The following ATXN2L variants were observed in gnomAD, a reference collection of about 807,000 sequenced individuals.
ATXN2L encodes the protein ataxin-2-like protein.
Under a neutral mutation model 120.7 loss-of-function variants are expected in ATXN2L, and 24 were observed. The observed-to-expected ratio is 0.20, with a 90% CI of 0.14 to 0.28. The LOEUF (loss-of-function observed/expected upper bound fraction) is 0.28, where lower values mean the gene tolerates loss of function less well. ATXN2L is among the 10% of genes least tolerant of loss of function. The probability of loss-of-function intolerance (pLI) is 1.00; values close to 1 mark genes in which losing one functional copy is unlikely to be tolerated. For synonymous variants in ATXN2L, 653 were observed against 568.1 expected (o/e 1.15, Z -2.13); for missense variants, 1,312 against 1,432.3 (o/e 0.92, Z 1.36).
intron 1 of ATXN2L, chr16:28,824,474 C>T: frequency 7.8e-7 from 1 of 1,288,116 alleles, no homozygotes; most frequent in Non-Finnish European, 1.0e-6. Context: ...GCCCCCTCTT[C>T]GCCCTCAACC....
In ATXN2L at chr16:28,837,209, A is replaced by T. The variant is rs1042378251; in HGVS notation, c.*944A>T. 7.8e-5 allele frequency: 13 copies of T among 167,634 alleles called. No individual in the cohort carries two copies. The highest frequency in any genetic ancestry group is 1.7e-4 in the East Asian group (1 of 5,758). The allele number at this position is 167,634 out of a possible 1,614,324, so 10.4% of individuals were successfully genotyped here. On this transcript the variant is annotated 3_prime_UTR_variant, in exon 22 of 22. Transcript: ENST00000336783. ...TACATAAAAATATTAAAAAATAAATAAAAAAAATAAAATTTTAAACTAACT... is the reference window on the plus strand; with the variant it reads ...TACATAAAAATATTAAAAAATAAATTAAAAAAATAAAATTTTAAACTAACT...
chr16:28,834,662 T>C lies in ATXN2L; in HGVS notation c.2402T>C (p.Met801Thr), dbSNP rs1959296735. ...NPQQFPGQPA[M>T]MQPMAHYPSQ... ...CAGCAGTTCCCAGGCCAGCCAGCCA[T>C]GATGCAGCCCATGGCCCACTACCCC... Residue 801 changes from methionine (M) to threonine (T), a missense_variant, in exon 18 of 22, where the codon ATG becomes ACG. Met to Thr is a moderately conservative substitution (Grantham distance 81). Coordinates refer to ENST00000336783, the MANE Select transcript of ATXN2L (RefSeq NM_007245.4). 1 of 1,613,772 alleles carries C rather than the reference T, an allele frequency of 6.2e-7. No individual in the cohort carries two copies. The highest frequency in any genetic ancestry group is 8.5e-7 in the Non-Finnish European group (1 of 1,179,950).
chr16:28,833,420 A>AAT lies in ATXN2L; in HGVS notation c.1956-19_1956-18insAT, dbSNP rs1164204271. On this transcript the variant is annotated intron_variant, in intron 14 of 21. Coordinates refer to ENST00000336783, the MANE Select transcript of ATXN2L (RefSeq NM_007245.4). ...GGATGAGAGCAAGCCGTGAAGATTTACTGTACTTTCTCTCACAGACAAGTA... is the reference window on the plus strand; with the variant it reads ...GGATGAGAGCAAGCCGTGAAGATTTAATCTGTACTTTCTCTCACAGACAAGTA... 1.2e-6 allele frequency: 2 copies of AAT among 1,614,104 alleles called. No homozygotes were observed. Among genetic ancestry groups the AAT allele is most frequent in the African/African-American group, 2.7e-5 (2 of 75,028 alleles).
intron 18 of ATXN2L, 175 bp from the exon 19 acceptor site, chr16:28,834,883 A>T: frequency 8.8e-7 from 1 of 1,139,778 alleles, no homozygotes; most frequent in Non-Finnish European, 1.2e-6. Context: ...GGCATTGGAC[A>T]TCTGTATCTC....
intron 6 of ATXN2L, among the ~76,000 whole-genome samples, chr16:28,828,236 T>TA (rs2052963839): frequency 6.6e-6 from 1 of 152,196 alleles, no homozygotes; most frequent in African/African-American, 2.4e-5. Flanking sequence ...TGTTAGGTCT[T>TA]ATGACTTTTC....
intron 15 of ATXN2L, among the ~76,000 whole-genome samples, 180 bp downstream of exon 15, chr16:28,833,688 C>T (rs915853480): frequency 7.0e-6 from 1 of 142,174 alleles, no homozygotes; most frequent in African/African-American, 2.5e-5. Context: ...AAAATGGACT[C>T]AGGTCTCTAG....
At position 28,833,448 on chromosome 16, in the gene ATXN2L, G is replaced by A; in HGVS notation, c.1965G>A (p.Lys655=). 6.2e-7 allele frequency: 1 copy of A among 1,614,216 alleles called. No individual in the cohort carries two copies. The highest frequency in any genetic ancestry group is 8.5e-7 in the Non-Finnish European group (1 of 1,180,034). The change falls in exon 15 of 22, where the codon AAG becomes AAA. Residue 655 remains lysine, a synonymous_variant. Transcript: ENST00000336783. ...GTACTTTCTCTCACAGACAAGTAAAGAAATCAACGTTGAACCCTAATGCTA... is the reference window on the plus strand; with the variant it reads ...GTACTTTCTCTCACAGACAAGTAAAAAAATCAACGTTGAACCCTAATGCTA... ...KDEGPVAEQV[K]KSTLNPNAKE...
Position 28,836,469 on chromosome 16 carries a change from C to G in ATXN2L, c.*204C>G. 6.2e-7 allele frequency: 1 copy of G among 1,611,734 alleles called. No individual in the cohort carries two copies. Among genetic ancestry groups the G allele is most frequent in the Non-Finnish European group, 8.5e-7 (1 of 1,179,032 alleles). ...CCCAGCTCTCAGTGACCCCGACTGT[C>G]TCCTGACTTAGCCGAGGTAAGGTCA... On this transcript the variant is annotated 3_prime_UTR_variant, in exon 22 of 22. Coordinates refer to ENST00000336783, the MANE Select transcript of ATXN2L (RefSeq NM_007245.4).
In ATXN2L at chr16:28,837,230, T is replaced by A. The variant is rs1054028004; in HGVS notation, c.*965T>A. ...AAATAAAAAAAATAAAATTTTAAAC[T>A]AACTTAACCTGCCTGGAGTTTCCTC... On this transcript the variant is annotated 3_prime_UTR_variant, in exon 22 of 22. Transcript: ENST00000336783. 15 of 173,028 alleles carry A rather than the reference T, an allele frequency of 8.7e-5. No homozygotes were observed. The highest frequency in any genetic ancestry group is 1.8e-4 in the Non-Finnish European group (15 of 84,288). 10.7% of individuals were successfully genotyped at this position (173,028 alleles called of 1,614,324 possible). A position where few individuals can be genotyped will look rare whatever the true frequency, so the allele number is the denominator to read the frequency against.
rs1177312557 is a variant in ATXN2L, at chr16:28,836,622, G to A, written c.*357G>A. 8 of 1,599,626 alleles carry A rather than the reference G, an allele frequency of 5.0e-6. No homozygotes were observed. The highest frequency in any genetic ancestry group is 1.7e-4 in the Middle Eastern group (1 of 5,972). ...GCCCCCGAGACACCTTGAGGAGGCC[G>A]CTCCTTCCCAGACACACCCCCACGC... On this transcript the variant is annotated 3_prime_UTR_variant, in exon 22 of 22. Transcript: ENST00000336783.
Position 28,823,115 on chromosome 16 carries a change from C to A in ATXN2L, c.-145C>A. ...GCGCCGCGGTCTTCTCTCTCCACCC[C>A]CGACACCGCGGGGCTCCCCCCGCCC... On this transcript the variant is annotated 5_prime_UTR_variant, in exon 1 of 22. Coordinates refer to ENST00000336783, the MANE Select transcript of ATXN2L (RefSeq NM_007245.4). The A allele has an allele frequency of 2.4e-6, 1 of 415,082 alleles. No homozygotes were observed. Among genetic ancestry groups the A allele is most frequent in the South Asian group, 1.1e-4 (1 of 9,348 alleles). The allele number at this position is 415,082 out of a possible 1,614,324, so 25.7% of individuals were successfully genotyped here. A position where few individuals can be genotyped will look rare whatever the true frequency, so the allele number is the denominator to read the frequency against.
chr16:28,829,816 C>A, intron 7 of ATXN2L, 42 bp from the exon 8 acceptor site: 1 of 1,597,512 alleles, frequency 6.3e-7, no homozygotes, highest in Non-Finnish European at 8.6e-7. Context: ...CTCTTTTGTC[C>A]CCTGGCACTG....
At position 28,823,330 on chromosome 16, in the gene ATXN2L, C is replaced by A. The variant is rs767868962; in HGVS notation, c.71C>A (p.Ala24Asp). ...QQPPPTQQAV[A>D]RRPPGGTSPP... ...CCGCCCCCCACGCAACAGGCCGTGG[C>A]CCGTCGGCCCCCCGGGGGCACCAGC... Residue 24 changes from alanine to aspartate, a missense_variant, in exon 1 of 22, where the codon GCC becomes GAC. Transcript: ENST00000336783. The A allele has an allele frequency of 2.1e-6, 3 of 1,403,086 alleles. No individual in the cohort carries two copies. The highest frequency in any genetic ancestry group is 3.0e-5 in the African/African-American group (2 of 66,952). The allele number at this position is 1,403,086 out of a possible 1,614,324, so 86.9% of individuals were successfully genotyped here.
chr16:28,826,605 G>A (rs2052117390), intron 5 of ATXN2L: 1 of 598,762 alleles, frequency 1.7e-6, no homozygotes, highest in Non-Finnish European at 2.8e-6. Flanking sequence ...ATGAATTCCT[G>A]TCTGTGTTGT....
Position 28,829,921 on chromosome 16 carries a change from G to A in ATXN2L, c.897G>A (p.Leu299=), listed in dbSNP as rs2053715675. 2 of 1,614,118 alleles carry A rather than the reference G, an allele frequency of 1.2e-6. No homozygotes were observed. The highest frequency in any genetic ancestry group is 4.5e-5 in the East Asian group (2 of 44,898). Residue 299 remains leucine, a synonymous_variant, in exon 8 of 22, where the codon TTG becomes TTA. Coordinates refer to ENST00000336783, the MANE Select transcript of ATXN2L (RefSeq NM_007245.4). ...AGCGAGAGCTGCGTGCGGCCCAGTT[G>A]GCTCGAGAGATTGAATCAAGCCCCC... The part of the protein sequence containing the change: ...FRQRELRAAQ[L]AREIESSPQY...
At position 28,832,395 on chromosome 16, in the gene ATXN2L, A is replaced by C. The variant is rs1361870721; in HGVS notation, c.1512A>C (p.Thr504=). The C allele has an allele frequency of 6.2e-7, 1 of 1,613,932 alleles. No homozygotes were observed. Among genetic ancestry groups the C allele is most frequent in the Non-Finnish European group, 8.5e-7 (1 of 1,179,916 alleles). ...CTCCAAAGATCTCCCTGGCCCCCACAGATGGTAAGAGCTAGGTGTTTGAGT... is the reference window on the plus strand; with the variant it reads ...CTCCAAAGATCTCCCTGGCCCCCACCGATGGTAAGAGCTAGGTGTTTGAGT... ...PASPKISLAP[T]DVKELSTKEP... Residue 504 remains threonine, a synonymous_variant, in exon 11 of 22, where the codon ACA becomes ACC. Transcript: ENST00000336783.
rs141610901 is a variant in ATXN2L at position 28,829,967 on chromosome 16, A to G, written c.943A>G (p.Met315Val). 1.2e-6 allele frequency: 2 copies of G among 1,614,200 alleles called. No individual in the cohort carries two copies. The highest frequency in any genetic ancestry group is 2.2e-5 in the East Asian group (1 of 44,872). The change falls in exon 8 of 22, where the codon ATG becomes GTG. Residue 315 changes from methionine to valine, a missense_variant. Transcript: ENST00000336783. ...SSPQYRLRIA[M>V]ENDDGRTEEE... Reference sequence around the variant, plus strand: ...CCCCCAGTACCGCCTACGGATCGCCATGGAGAACGACGATGGGCGCACTGA... The same window carrying G: ...CCCCCAGTACCGCCTACGGATCGCCGTGGAGAACGACGATGGGCGCACTGA...
chr16:28,823,853 G>T (rs562780865), intron 1 of ATXN2L: 249 of 312,330 alleles, frequency 8.0e-4, no homozygotes, highest in Non-Finnish European at 3.1e-4. Flanking sequence ...CGGGGAGTTG[G>T]GGGGGGGCAA....
At position 28,836,517 on chromosome 16, in the gene ATXN2L, G is replaced by A. The variant is rs1358131902; in HGVS notation, c.*252G>A. The A allele has an allele frequency of 6.3e-7, 1 of 1,596,942 alleles. No homozygotes were observed. Among genetic ancestry groups the A allele is most frequent in the South Asian group, 1.1e-5 (1 of 88,972 alleles). On this transcript the variant is annotated 3_prime_UTR_variant, in exon 22 of 22. Transcript: ENST00000336783. ...TCAGTGCAGCAGACAGGGCCAGACT[G>A]GGGTGTGGGGGGCTGAGCTGGGCAC... is the stretch of plus-strand genomic sequence containing the variant.
Sources: gnomAD v4.1 joint callset for allele counts (sites outside exome capture counted in the v4.1 genomes callset) on GRCh38, gnomAD v4.1.1 for gene constraint, MANE v1.5 for transcripts, NCBI Gene and HGNC (gene_info 2026-07-23, HGNC 2026-07-21) for gene names.